Variants in HMGN5 observed in about 807,000 individuals in gnomAD.
HMGN5 encodes the protein high mobility group nucleosome binding domain 5, also known as high mobility group nucleosome-binding domain-containing protein 5.
Under a neutral mutation model 9.5 loss-of-function variants are expected in HMGN5, and 4 were observed. The ratio of observed to expected loss-of-function variants is 0.42; its 90% CI spans 0.21 to 0.96. The LOEUF is 0.96. HMGN5 is among the 40% of genes least tolerant of loss of function. The pLI, the probability that HMGN5 is intolerant of heterozygous loss-of-function variation, is 0.30. For synonymous variants in HMGN5, 55 were observed against 57.1 expected (o/e 0.96, Z 0.16); for missense variants, 192 against 187.5 (o/e 1.02, Z -0.14).
intron 1 of HMGN5, among the ~76,000 whole-genome samples, chrX:81,134,165 A>G (rs1218635701): frequency 9.0e-6 from 1 of 111,158 alleles, no homozygotes; most frequent in Non-Finnish European, 1.9e-5. Flanking sequence ...ATAGCTGACT[A>G]CTGAATTTTG....
At chrX:81,172,734 T>TA (rs1001992512) in intron 1 of HMGN5, among the ~76,000 whole-genome samples, 4 of 110,752 alleles carry the variant, frequency 3.6e-5, no homozygotes, top group Non-Finnish European at 7.6e-5. Context: ...CATAACATGA[T>TA]AAAAAAATTT....
intron 3 of HMGN5, among the ~76,000 whole-genome samples, chrX:81,119,504 A>G (rs1046539603): frequency 1.8e-5 from 2 of 112,054 alleles, no homozygotes; most frequent in East Asian, 5.6e-4. Flanking sequence ...AACCCACAAA[A>G]CACCCAAATA....
chrX:81,119,612 T>A (rs1279442060), intron 3 of HMGN5, among the ~76,000 whole-genome samples, 176 bp downstream of exon 3: 1 of 112,356 alleles, frequency 8.9e-6, no homozygotes, highest in East Asian at 2.8e-4. Flanking sequence ...ATGGCAATTT[T>A]AAAAAGTCCT....
chrX:81,136,783 C>G (rs1201507713), intron 1 of HMGN5, among the ~76,000 whole-genome samples: 1 of 110,863 alleles, frequency 9.0e-6, no homozygotes, highest in Non-Finnish European at 1.9e-5. Flanking sequence ...CAAACATTAC[C>G]CAATGATATA....
intron 1 of HMGN5, among the ~76,000 whole-genome samples, chrX:81,187,349 A>G (rs914292458): frequency 9.0e-6 from 1 of 111,640 alleles, no homozygotes; most frequent in Non-Finnish European, 1.9e-5. Context: ...TTTAGCTCTA[A>G]TAATATTTGT....
In HMGN5 at chrX:81,114,684, C is replaced by T. The variant is rs1274840174; in HGVS notation, c.814G>A (p.Asp272Asn). The T allele has an allele frequency of 3.5e-6, 4 of 1,140,521 alleles. No individual in the cohort carries two copies. The highest frequency in any genetic ancestry group is 3.1e-5 in the Admixed American group (1 of 31,954). 94.0% of individuals were successfully genotyped at this position (1,140,521 alleles called of 1,213,427 possible). A position where few individuals can be genotyped will look rare whatever the true frequency, so the allele number is the denominator to read the frequency against. ...CTCTGTGGCTCCTCTTTTTTTCCAT[C>T]ATCTTCTTTGATCTCATCTTCCTCT... ...GKEEDEIKED[D>N]GKKEEPQSIV The change falls in exon 7 of 7, where the codon GAT (aspartate) becomes AAT (asparagine). Residue 272 changes from aspartate to asparagine, a missense_variant. By Grantham distance (23) the Asp-to-Asn change is conservative. Transcript: ENST00000358130.
rs531328080 is a variant in HMGN5 at position 81,123,914 on chromosome X, C to T, written c.-123-2242G>A. ...GAATTTGGCTTGCCTGTGAACAGTT[C>T]GGTAGACTGTTACATTACAGCAAAT... On this transcript the variant is annotated intron_variant, in intron 1 of 6. Coordinates refer to ENST00000358130, the MANE Select transcript of HMGN5 (RefSeq NM_030763.3). Among the ~76,000 whole-genome samples, 139 of 111,770 alleles carry T rather than the reference C, an allele frequency of 1.2e-3. 1 individual carries two copies. In the South Asian group the frequency reaches 0.051, roughly 41 times the overall value.
At chrX:81,187,080 A>AT (rs1266244752) in intron 1 of HMGN5, among the ~76,000 whole-genome samples, 1 of 111,722 alleles carries the variant, frequency 9.0e-6, no homozygotes, top group African/African-American at 3.2e-5. Context: ...TTATTTCAAT[A>AT]TTTTTAAAAA....
At chrX:81,179,952 A>G (rs1222146291) in intron 1 of HMGN5, among the ~76,000 whole-genome samples, 1 of 112,014 alleles carries the variant, frequency 8.9e-6, no homozygotes, top group Admixed American at 9.5e-5. Context: ...AGAAATGGGG[A>G]AAGGATTCCC....
chrX:81,201,008 C>T (rs1044580289), intron 1 of HMGN5, among the ~76,000 whole-genome samples: 3 of 110,808 alleles, frequency 2.7e-5, no homozygotes, highest in Middle Eastern at 4.2e-3. Flanking sequence ...TTAAGGACAA[C>T]ATGTAAAGAG....
intron 1 of HMGN5, among the ~76,000 whole-genome samples, chrX:81,129,341 T>C (rs2075292680): frequency 9.8e-6 from 1 of 102,559 alleles, no homozygotes; most frequent in South Asian, 5.8e-4. Context: ...ATTGAATAGA[T>C]TGAAATGGCT....
In HMGN5 at chrX:81,118,439, C is replaced by G; in HGVS notation, c.122G>C (p.Ser41Thr). Residue 41 changes from serine to threonine, a missense_variant, in exon 5 of 7, where the codon AGT (serine) becomes ACT (threonine). Transcript: ENST00000358130. ...TPEVKPKRTS[S>T]SRKMKTKSDM... ...TCTACGTTGAATATTTACCCTTGAA[C>G]TTGATGTTCTTTTAGGCTTCACCTC... The G allele has an allele frequency of 8.6e-7, 1 of 1,157,820 alleles. No individual in the cohort carries two copies. Among genetic ancestry groups the G allele is most frequent in the Non-Finnish European group, 1.2e-6 (1 of 856,843 alleles).
chrX:81,144,008 T>C (rs1269120557), intron 1 of HMGN5, among the ~76,000 whole-genome samples: 1 of 111,431 alleles, frequency 9.0e-6, no homozygotes, highest in East Asian at 2.8e-4. Context: ...GTCAGGGACA[T>C]ATAGATAAAA....
chrX:81,143,050 A>G (rs2075333934), intron 1 of HMGN5, among the ~76,000 whole-genome samples: 1 of 111,783 alleles, frequency 8.9e-6, no homozygotes, highest in South Asian at 3.8e-4. Context: ...AACAACATTA[A>G]GCTATTATCA....
chrX:81,166,366 A>T (rs751593458), intron 1 of HMGN5, among the ~76,000 whole-genome samples: 2 of 111,858 alleles, frequency 1.8e-5, no homozygotes, highest in East Asian at 5.6e-4. Context: ...TAGTTACTAC[A>T]TATGTATACT....
chrX:81,166,117 C>G (rs1327307424), intron 1 of HMGN5, among the ~76,000 whole-genome samples: 1 of 110,822 alleles, frequency 9.0e-6, no homozygotes, highest in East Asian at 2.8e-4. Flanking sequence ...TCAGTTGTGA[C>G]AAGCCAAAAT....
chrX:81,161,861 C>T (rs776615543), intron 1 of HMGN5, among the ~76,000 whole-genome samples: 22 of 110,981 alleles, frequency 2.0e-4, no homozygotes, highest in Admixed American at 2.9e-4. Context: ...TATGATAAAA[C>T]GCAAAAGGAA....
chrX:81,132,193 C>G (rs547822875), intron 1 of HMGN5, among the ~76,000 whole-genome samples: 1 of 111,141 alleles, frequency 9.0e-6, no homozygotes, highest in Non-Finnish European at 1.9e-5. Flanking sequence ...CTACAAACCA[C>G]TGCTCAAAGA....
chrX:81,125,954 C>T (rs2075282319), intron 1 of HMGN5, among the ~76,000 whole-genome samples: 1 of 110,247 alleles, frequency 9.1e-6, no homozygotes. Flanking sequence ...TCGAGATCAA[C>T]ATGGCCAACA....
Sources: gnomAD v4.1 joint callset for allele counts (sites outside exome capture counted in the v4.1 genomes callset) on GRCh38, gnomAD v4.1.1 for gene constraint, MANE v1.5 for transcripts, NCBI Gene and HGNC (gene_info 2026-07-23, HGNC 2026-07-21) for gene names.